Variants in CWF19L2 observed in about 807,000 individuals in gnomAD.
CWF19L2 encodes CWF19 like cell cycle control factor 2.
A neutral mutation model predicts 111.7 loss-of-function variants in CWF19L2; 98 were observed. The observed-to-expected ratio is 0.88, with a 90% CI of 0.75 to 1.04. The LOEUF (loss-of-function observed/expected upper bound fraction) is 1.04, where lower values mean the gene tolerates loss of function less well. CWF19L2 is among the 50% of genes least tolerant of loss of function. The pLI, the probability that CWF19L2 is intolerant of heterozygous loss-of-function variation, is 0.00. For missense variants in CWF19L2, 1,101 were observed against 1,051.4 expected, an observed-to-expected ratio of 1.05 and a Z score of -0.65; for synonymous variants, 351 against 342.9, an observed-to-expected ratio of 1.02 and a Z score of -0.26.
intron 6 of CWF19L2, among the ~76,000 whole-genome samples, chr11:107,438,725 T>G (rs1236647724): frequency 1.3e-5 from 2 of 152,174 alleles, no homozygotes; most frequent in African/African-American, 4.8e-5. Context: ...ATACGTAAAC[T>G]TGGGTCATAC....
At chr11:107,332,442 T>C (rs1421518742) in intron 16 of CWF19L2, among the ~76,000 whole-genome samples, 3 of 151,510 alleles carry the variant, frequency 2.0e-5, no homozygotes, top group East Asian at 1.9e-4. Flanking sequence ...AATGGGCAGA[T>C]AAAGAGAAGC....
chr11:107,448,628 T>C (rs1277259683), intron 3 of CWF19L2, among the ~76,000 whole-genome samples: 1 of 152,200 alleles, frequency 6.6e-6, no homozygotes, highest in East Asian at 1.9e-4. Flanking sequence ...TCTGAATGTT[T>C]GTGTCCCCCA....
intron 10 of CWF19L2, among the ~76,000 whole-genome samples, chr11:107,413,431 G>C (rs559597375): frequency 2.0e-5 from 3 of 152,338 alleles, no homozygotes; most frequent in African/African-American, 7.2e-5. Context: ...AAATGTGAAA[G>C]AGACACTGGT....
chr11:107,405,103 A>C (rs1323946310), intron 10 of CWF19L2, among the ~76,000 whole-genome samples: 2 of 152,194 alleles, frequency 1.3e-5, no homozygotes, highest in Non-Finnish European at 2.9e-5. Flanking sequence ...TATATTGTTA[A>C]ATGGCTGGGG....
At chr11:107,423,917 T>C (rs866814641) in intron 8 of CWF19L2, among the ~76,000 whole-genome samples, 2 of 135,460 alleles carry the variant, frequency 1.5e-5, no homozygotes, top group Admixed American at 1.5e-4. Flanking sequence ...TACCTACTAA[T>C]ATATATGAGC....
Position 107,455,748 on chromosome 11 carries a change from C to T in CWF19L2, c.134G>A (p.Arg45Lys), listed in dbSNP as rs982092074. The T allele has an allele frequency of 4.5e-6, 7 of 1,550,624 alleles. No homozygotes were observed. The highest frequency in any genetic ancestry group is 1.7e-4 in the Middle Eastern group (1 of 6,010). ...CCGAAGTCGCTTAAGTTCTTTACGC[C>T]TTTCTTCTTTTTCAAAATTGGCTTT... ...QAKANFEKEE[R>K]RKELKRLRGE... Residue 45 changes from arginine to lysine, a missense_variant, in exon 2 of 18, where the codon AGG (arginine) becomes AAG (lysine). By Grantham distance (26) the Arg-to-Lys change is conservative. Coordinates refer to ENST00000282251, the MANE Select transcript of CWF19L2 (RefSeq NM_152434.3).
At chr11:107,434,377 TTTC>T (rs1489226461) in intron 6 of CWF19L2, among the ~76,000 whole-genome samples, 1 of 152,148 alleles carries the variant, frequency 6.6e-6, no homozygotes, top group Non-Finnish European at 1.5e-5. Context: ...CTGGCTTTAT[TTTC>T]TTCTTTACAC....
Position 107,345,499 on chromosome 11 carries a change from T to C in CWF19L2, c.2202+3438A>G, listed in dbSNP as rs76831212. On this transcript the variant is annotated intron_variant, in intron 14 of 17. Transcript: ENST00000282251. ...ACTGTTCTAGATTTTATCTGGAGAA[T>C]AGTGAAGAAGGCAGACTCAAAATGT... 2,256 of 461,228 alleles carry C rather than the reference T, an allele frequency of 4.9e-3. 47 individuals are homozygous for C. The highest frequency in any genetic ancestry group is 0.041 in the African/African-American group (2,059 of 49,630). The allele number at this position is 461,228 out of a possible 1,614,324, so 28.6% of individuals were successfully genotyped here. A position where few individuals can be genotyped will look rare whatever the true frequency, so the allele number is the denominator to read the frequency against.
At chr11:107,365,043 C>G (rs1350828381) in intron 12 of CWF19L2, among the ~76,000 whole-genome samples, 1 of 116,148 alleles carries the variant, frequency 8.6e-6, no homozygotes, top group Non-Finnish European at 1.7e-5. Flanking sequence ...ATACTACAAA[C>G]ACCTCTATGC....
chr11:107,432,680 A>C (rs1189974414), intron 7 of CWF19L2, among the ~76,000 whole-genome samples: 1 of 152,258 alleles, frequency 6.6e-6, no homozygotes, highest in Admixed American at 6.5e-5. Context: ...GAACTATAAG[A>C]ACTAATCTTA....
chr11:107,343,826 A>C (rs1860040298), intron 14 of CWF19L2, among the ~76,000 whole-genome samples: 1 of 152,192 alleles, frequency 6.6e-6, no homozygotes, highest in Non-Finnish European at 1.5e-5. Flanking sequence ...TTACCAATGC[A>C]AATAAAATAG....
chr11:107,387,502 C>G (rs767849897), intron 12 of CWF19L2, among the ~76,000 whole-genome samples: 41 of 151,310 alleles, frequency 2.7e-4, no homozygotes, highest in Admixed American at 8.5e-4. Context: ...GGCTCCCCAT[C>G]ATTAAAACAA....
At chr11:107,437,292 G>C (rs1203046684) in intron 6 of CWF19L2, among the ~76,000 whole-genome samples, 5 of 152,148 alleles carry the variant, frequency 3.3e-5, no homozygotes, top group Non-Finnish European at 7.4e-5. Flanking sequence ...TGAGAGGCCA[G>C]AAAATGTCTC....
intron 12 of CWF19L2, among the ~76,000 whole-genome samples, chr11:107,362,398 T>A (rs1860365571): frequency 6.6e-6 from 1 of 151,946 alleles, no homozygotes; most frequent in Non-Finnish European, 1.5e-5. Flanking sequence ...AAGACAGCAG[T>A]AACCTCTGCA....
intron 8 of CWF19L2, among the ~76,000 whole-genome samples, chr11:107,420,854 C>T (rs1412063113): frequency 6.6e-6 from 1 of 151,946 alleles, no homozygotes; most frequent in Non-Finnish European, 1.5e-5. Flanking sequence ...TAACTGAAAC[C>T]TCAGAAAGCA....
At chr11:107,378,080 G>C (rs1396892712) in intron 12 of CWF19L2, among the ~76,000 whole-genome samples, 1,753 of 148,092 alleles carry the variant, frequency 0.012, 14 homozygotes, top group African/African-American at 0.036. Flanking sequence ...CCATCTCACA[G>C]CAGTTAGAAT....
chr11:107,435,234 T>C (rs1861523383), intron 6 of CWF19L2, among the ~76,000 whole-genome samples: 1 of 152,214 alleles, frequency 6.6e-6, no homozygotes. Context: ...TTTCACATTT[T>C]ATTCAAAAGC....
In CWF19L2 at chr11:107,429,381, C is replaced by T. The variant is rs746671152; in HGVS notation, c.851G>A (p.Arg284Gln). Residue 284 changes from arginine to glutamine, a missense_variant, in exon 8 of 18, where the codon CGG (arginine) becomes CAG (glutamine). Arg to Gln is a conservative substitution (Grantham distance 43). Coordinates refer to ENST00000282251, the MANE Select transcript of CWF19L2 (RefSeq NM_152434.3). ...KAASTKEDYR[R>Q]ERWRKPTYSD... ...ATATGTGGGTTTCCTCCACCGTTCC[C>T]GTCTATAATCTTCTTTCGTGGATGC... 9 of 1,587,050 alleles carry T rather than the reference C, an allele frequency of 5.7e-6. No homozygotes were observed. The highest frequency in any genetic ancestry group is 4.5e-5 in the East Asian group (2 of 44,324).
intron 8 of CWF19L2, among the ~76,000 whole-genome samples, chr11:107,427,207 C>T (rs754625045): frequency 1.5e-5 from 2 of 130,820 alleles, no homozygotes; most frequent in Non-Finnish European, 3.2e-5. Context: ...TTTACAACCA[C>T]TCTACATTCT....
Sources: gnomAD v4.1 joint callset for allele counts (sites outside exome capture counted in the v4.1 genomes callset) on GRCh38, gnomAD v4.1.1 for gene constraint, MANE v1.5 for transcripts, NCBI Gene and HGNC (gene_info 2026-07-23, HGNC 2026-07-21) for gene names.